ITPR1: variants seen among roughly 807,000 people sequenced by gnomAD.
ITPR1 encodes the protein inositol 1,4,5-trisphosphate-gated calcium channel ITPR1.
Under a neutral mutation model 318.4 loss-of-function variants are expected in ITPR1, and 96 were observed. The ratio of observed to expected loss-of-function variants is 0.30; its 90% CI spans 0.26 to 0.36. The LOEUF (loss-of-function observed/expected upper bound fraction) is 0.36. Ranked by LOEUF, ITPR1 falls within the 10% of genes least tolerant of loss-of-function variation. ITPR1 has a pLI of 1.00. For synonymous variants in ITPR1, 1,312 were observed against 1,289.9 expected (o/e 1.02, Z -0.37); for missense variants, 2,440 against 3,460.2 (o/e 0.71, Z 7.40).
chr3:4,558,475 T>A (rs188870674), intron 4 of ITPR1, among the ~76,000 whole-genome samples: 1 of 152,160 alleles, frequency 6.6e-6, no homozygotes, highest in East Asian at 1.9e-4. Context: ...AGTAAAAATA[T>A]AGACAATAGA....
intron 4 of ITPR1, 151 bp from the exon 5 acceptor site, chr3:4,627,612 G>C (rs1469262156): frequency 1.9e-6 from 1 of 524,546 alleles, no homozygotes; most frequent in African/African-American, 1.9e-5. Flanking sequence ...AATTCAAAAA[G>C]AGATTTGTCA....
intron 4 of ITPR1, among the ~76,000 whole-genome samples, chr3:4,619,601 CT>C (rs1328125500): frequency 2.4e-4 from 13 of 53,656 alleles, no homozygotes; most frequent in African/African-American, 9.9e-4. Context: ...CCCTCCCCTG[CT>C]CTCCTCTGCC....
chr3:4,695,031 A>T (rs2094536273), intron 33 of ITPR1, among the ~76,000 whole-genome samples: 1 of 152,232 alleles, frequency 6.6e-6, no homozygotes. Context: ...TTAACACTGT[A>T]ACTTCTTTTC....
At chr3:4,503,701 C>T (rs778561169) in intron 2 of ITPR1, among the ~76,000 whole-genome samples, 2 of 152,124 alleles carry the variant, frequency 1.3e-5, no homozygotes, top group South Asian at 2.1e-4. Context: ...CACACACACA[C>T]GCAACGGAGA....
At chr3:4,765,095 G>C (rs755461344) in intron 44 of ITPR1, among the ~76,000 whole-genome samples, 9 of 145,632 alleles carry the variant, frequency 6.2e-5, no homozygotes, top group Admixed American at 1.4e-4. Context: ...AAACGAGGCA[G>C]TAAAAGGCAA....
At position 4,648,626 on chromosome 3, in the gene ITPR1, A is replaced by G. The variant is rs888004995; in HGVS notation, c.855+2898A>G. Among the ~76,000 whole-genome samples the G allele has an allele frequency of 8.5e-5, 13 of 152,270 alleles. 1 individual carries two copies. Among genetic ancestry groups the G allele is most frequent in the East Asian group, 1.9e-4 (1 of 5,172 alleles). On this transcript the variant is annotated intron_variant, in intron 10 of 61. Coordinates refer to ENST00000649015, the MANE Select transcript of ITPR1 (RefSeq NM_001378452.1). ...GGAATTCAAGACCAACCTGGTCAAC[A>G]TGGTGAAACCCTGTCTCTACTAAAA...
chr3:4,745,758 T>C (rs1339135692), intron 44 of ITPR1, among the ~76,000 whole-genome samples: 2 of 152,208 alleles, frequency 1.3e-5, no homozygotes, highest in African/African-American at 2.4e-5. Context: ...AAATCCCTGA[T>C]GGGCATCTCC....
intron 4 of ITPR1, among the ~76,000 whole-genome samples, chr3:4,615,147 C>T (rs973813477): frequency 3.3e-5 from 5 of 152,170 alleles, no homozygotes; most frequent in African/African-American, 1.2e-4. Context: ...CTGTCCCGTA[C>T]TGACACTTCT....
At chr3:4,670,163 C>A (rs1444011886) in intron 19 of ITPR1, among the ~76,000 whole-genome samples, 1 of 152,114 alleles carries the variant, frequency 6.6e-6, no homozygotes, top group Non-Finnish European at 1.5e-5. Flanking sequence ...CTGTTCAGAA[C>A]ATGTTTATTG....
At chr3:4,747,539 T>C (rs919331746) in intron 44 of ITPR1, among the ~76,000 whole-genome samples, 4 of 152,188 alleles carry the variant, frequency 2.6e-5, no homozygotes, top group African/African-American at 9.7e-5. Context: ...AGTGGAGTCT[T>C]TGTGGGAGAC....
At chr3:4,707,141 C>T (rs1427344057) in intron 37 of ITPR1, among the ~76,000 whole-genome samples, 4 of 152,212 alleles carry the variant, frequency 2.6e-5, no homozygotes, top group Admixed American at 1.3e-4. Context: ...AACAGTAGCA[C>T]CTACCTCGTG....
At chr3:4,719,770 TG>T (rs2042016026) in intron 40 of ITPR1, among the ~76,000 whole-genome samples, 1 of 151,846 alleles carries the variant, frequency 6.6e-6, no homozygotes, top group Non-Finnish European at 1.5e-5. Flanking sequence ...GAAAAGCGCA[TG>T]GTATGGGGTC....
intron 46 of ITPR1, among the ~76,000 whole-genome samples, chr3:4,774,017 A>C (rs926820537): frequency 6.6e-6 from 1 of 152,226 alleles, no homozygotes; most frequent in African/African-American, 2.4e-5. Flanking sequence ...TAAAGACCAA[A>C]TGAAAATAAG....
intron 60 of ITPR1, chr3:4,825,903 G>A: frequency 2.5e-6 from 1 of 402,520 alleles, no homozygotes; most frequent in South Asian, 1.8e-5. Context: ...CCTAGGTTTG[G>A]GGGAAAAGAT....
At chr3:4,609,855 C>T (rs1022358899) in intron 4 of ITPR1, among the ~76,000 whole-genome samples, 4 of 152,258 alleles carry the variant, frequency 2.6e-5, no homozygotes, top group Non-Finnish European at 4.4e-5. Flanking sequence ...TGTGGAGAAA[C>T]GGGGCCAAAC....
Position 4,783,874 on chromosome 3 carries a change from G to C in ITPR1, c.6569G>C (p.Gly2190Ala), listed in dbSNP as rs2046994457. ...CTGAAACCTGGTGGCCAAGTGGACG[G>C]AGATGAAGCCCTGGAGTTTTATGCC... ...SMLKPGGQVDGDEALEFYAKH... is the reference protein window; with the variant it reads ...SMLKPGGQVDADEALEFYAKH... Residue 2190 changes from glycine (G) to alanine (A), a missense_variant, in exon 51 of 62, where the codon GGA becomes GCA. Gly to Ala is a moderately conservative substitution (Grantham distance 60). This residue lies in a region of ITPR1 where 115 missense variants were observed against 204.5 expected (regional missense o/e 0.56). Coordinates refer to ENST00000649015, the MANE Select transcript of ITPR1 (RefSeq NM_001378452.1). 2 of 1,610,576 alleles carry C rather than the reference G, an allele frequency of 1.2e-6. No homozygotes were observed. Among genetic ancestry groups the C allele is most frequent in the Non-Finnish European group, 8.5e-7 (1 of 1,178,534 alleles).
At chr3:4,742,885 G>A (rs2043810335) in intron 44 of ITPR1, among the ~76,000 whole-genome samples, 1 of 152,138 alleles carries the variant, frequency 6.6e-6, no homozygotes, top group Non-Finnish European at 1.5e-5. Flanking sequence ...CAGGCCTGGG[G>A]GACGCTCTGT....
chr3:4,780,891 A>C (rs943914659), intron 49 of ITPR1, among the ~76,000 whole-genome samples: 2 of 152,188 alleles, frequency 1.3e-5, no homozygotes, highest in African/African-American at 4.8e-5. Context: ...GGTGGGGAAA[A>C]TGTCAACACC....
chr3:4,752,457 G>A (rs2044610384), intron 44 of ITPR1, among the ~76,000 whole-genome samples: 1 of 152,190 alleles, frequency 6.6e-6, no homozygotes, highest in Non-Finnish European at 1.5e-5. Flanking sequence ...GCAAAAACCG[G>A]ATAAGCCCGT....
Sources: gnomAD v4.1 joint callset for allele counts (sites outside exome capture counted in the v4.1 genomes callset) on GRCh38, gnomAD v4.1.1 for gene constraint, gnomAD v4.1.1 regional missense constraint, MANE v1.5 for transcripts, NCBI Gene and HGNC (gene_info 2026-07-23, HGNC 2026-07-21) for gene names.